The following NCAM2 variants were observed in gnomAD, a reference collection of about 807,000 sequenced individuals.
NCAM2 encodes neural cell adhesion molecule 2, also known as N-CAM-2.
NCAM2 carries 30 observed loss-of-function variants against 98.1 expected under a neutral mutation model. That is an observed-to-expected ratio of 0.31 (90% confidence interval 0.23 to 0.41). The LOEUF is 0.41. NCAM2 is among the 10% of genes least tolerant of loss of function. The pLI is 1.00. For missense variants in NCAM2, 867 were observed against 1,005.8 expected (o/e 0.86, Z 1.87); for synonymous variants, 368 against 342.4 (o/e 1.07, Z -0.83).
intron 1 of NCAM2, among the ~76,000 whole-genome samples, chr21:21,102,586 C>T (rs562209540): frequency 9.1e-4 from 139 of 152,016 alleles, no homozygotes; most frequent in Admixed American, 2.6e-3. Context: ...ACACTTTTCA[C>T]TAGTTAACTA....
intron 11 of NCAM2, among the ~76,000 whole-genome samples, chr21:21,429,768 T>C (rs2077289642): frequency 6.6e-6 from 1 of 152,232 alleles, no homozygotes; most frequent in African/African-American, 2.4e-5. Flanking sequence ...ATCAGAATTC[T>C]ACACGTGTGT....
chr21:21,044,528 G>T (rs551610325), intron 1 of NCAM2, among the ~76,000 whole-genome samples: 1 of 151,902 alleles, frequency 6.6e-6, no homozygotes, highest in Admixed American at 6.6e-5. Context: ...AACTAGTCTG[G>T]CTTCATATTT....
chr21:21,001,569 T>G (rs559747059), intron 1 of NCAM2, among the ~76,000 whole-genome samples: 1 of 152,322 alleles, frequency 6.6e-6, no homozygotes, highest in East Asian at 1.9e-4. Flanking sequence ...ATTTCCAAAC[T>G]GTTGTATGTA....
chr21:21,262,568 T>C (rs368552877), intron 1 of NCAM2, among the ~76,000 whole-genome samples: 1 of 148,544 alleles, frequency 6.7e-6, no homozygotes, highest in East Asian at 2.0e-4. Context: ...GTTGAAAGAA[T>C]TTCCCTTAAG....
chr21:21,127,349 C>T lies in NCAM2; in HGVS notation c.55+128731C>T, dbSNP rs193035900. Among the ~76,000 whole-genome samples, 778 of 151,908 alleles carry T rather than the reference C, an allele frequency of 5.1e-3. 4 individuals carry two copies. The highest frequency in any genetic ancestry group is 7.7e-3 in the Non-Finnish European group (522 of 67,884). ...TATTTTTTGATACGAAATAATTGTA[C>T]GTACTTATGCAGTACATTGATATTT... On this transcript the variant is annotated intron_variant, in intron 1 of 17. Coordinates refer to ENST00000400546, the MANE Select transcript of NCAM2 (RefSeq NM_004540.5).
chr21:21,063,210 C>CTTTTTTTTT (rs11325446), intron 1 of NCAM2, among the ~76,000 whole-genome samples: 10 of 66,108 alleles, frequency 1.5e-4, no homozygotes, highest in East Asian at 4.3e-4. Context: ...TCTTTACATT[C>CTTTTTTTTT]TTTTTTTTTT....
At position 21,315,683 on chromosome 21, in the gene NCAM2, T is replaced by C. The variant is rs140690789; in HGVS notation, c.620-8700T>C. On this transcript the variant is annotated intron_variant, in intron 5 of 17. Coordinates refer to ENST00000400546, the MANE Select transcript of NCAM2 (RefSeq NM_004540.5). The stretch of plus-strand genomic sequence containing the variant: ...TTGGACATTTCTAGAGCAGTGTTGA[T>C]GACAACTTCTGGGTTTTGTGATGCC... 1.6e-3 allele frequency among the ~76,000 whole-genome samples: 242 copies of C among 152,304 alleles called. 1 individual carries two copies. Among genetic ancestry groups the C allele is most frequent in the African/African-American group, 5.6e-3 (233 of 41,568 alleles).
chr21:21,524,543 G>A (rs1291372936), intron 16 of NCAM2, among the ~76,000 whole-genome samples: 1 of 151,320 alleles, frequency 6.6e-6, no homozygotes, highest in Non-Finnish European at 1.5e-5. Flanking sequence ...AAAAAAAGGG[G>A]GTGTGGGGGG....
intron 6 of NCAM2, among the ~76,000 whole-genome samples, chr21:21,326,118 C>T (rs766123978): frequency 6.6e-6 from 1 of 152,122 alleles, no homozygotes; most frequent in Admixed American, 6.6e-5. Context: ...CCTGTGAATT[C>T]GTCCTGACGT....
chr21:21,166,896 C>A (rs1316009538), intron 1 of NCAM2, among the ~76,000 whole-genome samples: 1 of 152,182 alleles, frequency 6.6e-6, no homozygotes. Flanking sequence ...GGAATAGAAT[C>A]TTTCTGGTCA....
At chr21:21,415,033 A>G (rs746305845) in intron 10 of NCAM2, among the ~76,000 whole-genome samples, 1 of 151,994 alleles carries the variant, frequency 6.6e-6, no homozygotes, top group Non-Finnish European at 1.5e-5. Flanking sequence ...TGTTCTGTCA[A>G]CCAGGCTTAG....
At chr21:21,261,571 A>G (rs965847032) in intron 1 of NCAM2, among the ~76,000 whole-genome samples, 4 of 152,186 alleles carry the variant, frequency 2.6e-5, no homozygotes, top group African/African-American at 9.6e-5. Flanking sequence ...ATTACATGGA[A>G]GTTAAACAAC....
At chr21:21,343,910 A>G (rs1268057505) in intron 8 of NCAM2, among the ~76,000 whole-genome samples, 4 of 152,116 alleles carry the variant, frequency 2.6e-5, no homozygotes, top group African/African-American at 7.2e-5. Flanking sequence ...CAGATACACC[A>G]GCTGGGGTGG....
chr21:21,322,669 C>T (rs537983186), intron 5 of NCAM2, among the ~76,000 whole-genome samples: 7 of 151,978 alleles, frequency 4.6e-5, no homozygotes, highest in East Asian at 1.9e-4. Flanking sequence ...TAGTGGGTGC[C>T]GGTTAATCTG....
intron 15 of NCAM2, among the ~76,000 whole-genome samples, chr21:21,487,391 A>ATT (rs5842932): frequency 6.6e-6 from 1 of 150,390 alleles, no homozygotes; most frequent in African/African-American, 2.5e-5. Context: ...CCATCCAATG[A>ATT]TTTTTTTTTC....
intron 5 of NCAM2, among the ~76,000 whole-genome samples, chr21:21,308,621 A>T (rs962813205): frequency 6.6e-6 from 1 of 152,060 alleles, no homozygotes. Flanking sequence ...TCATACTTGT[A>T]CCCAGGTTTT....
intron 1 of NCAM2, among the ~76,000 whole-genome samples, chr21:21,218,838 G>A (rs2070017460): frequency 6.6e-6 from 1 of 152,210 alleles, no homozygotes; most frequent in African/African-American, 2.4e-5. Context: ...GAGGTCAGGT[G>A]TTCAAGTCTA....
At chr21:21,059,952 A>G (rs1369779667) in intron 1 of NCAM2, among the ~76,000 whole-genome samples, 1 of 152,106 alleles carries the variant, frequency 6.6e-6, no homozygotes, top group Non-Finnish European at 1.5e-5. Flanking sequence ...ATTATTTGAT[A>G]ATATGTTAGC....
At chr21:21,386,681 G>A (rs927166580) in intron 9 of NCAM2, among the ~76,000 whole-genome samples, 2 of 152,030 alleles carry the variant, frequency 1.3e-5, no homozygotes, top group Non-Finnish European at 2.9e-5. Flanking sequence ...GATTGTCCTC[G>A]TTTTATAACA....
Sources: gnomAD v4.1 joint callset for allele counts (sites outside exome capture counted in the v4.1 genomes callset) on GRCh38, gnomAD v4.1.1 for gene constraint, MANE v1.5 for transcripts, NCBI Gene and HGNC (gene_info 2026-07-23, HGNC 2026-07-21) for gene names.